The following KLRG2 variants were observed in gnomAD, a reference collection of about 807,000 sequenced individuals.
KLRG2 encodes the protein killer cell lectin-like receptor subfamily G member 2.
KLRG2 carries 39 observed loss-of-function variants against 35.4 expected under a neutral mutation model. That is an observed-to-expected ratio of 1.10 (90% CI 0.85 to 1.44). The LOEUF (loss-of-function observed/expected upper bound fraction) is 1.44, where lower values mean the gene tolerates loss of function less well. Among genes scored for constraint, KLRG2 ranks in the 40% most tolerant of loss-of-function variants. The pLI is 0.00. For missense variants in KLRG2, 632 were observed against 570.9 expected (o/e 1.11, Z -1.09); for synonymous variants, 283 against 265.8 (o/e 1.06, Z -0.63).
At chr7:139,443,262 T>G in the KLRG2 span, among the ~76,000 whole-genome samples, 1 of 151,604 alleles carries the variant, frequency 6.6e-6, no homozygotes, top group Non-Finnish European at 1.5e-5. Context: ...ATTTTTGTAT[T>G]TTTAGTAGAG....
chr7:139,459,344 C>T (rs950252435), intron 3 of KLRG2, among the ~76,000 whole-genome samples: 1 of 152,190 alleles, frequency 6.6e-6, no homozygotes, highest in Non-Finnish European at 1.5e-5. Context: ...CAGTCTTAAG[C>T]GATGGGATTC....
rs1433827714 is a variant in KLRG2, at chr7:139,483,633, ACTC to A, written c.7_9del (p.Glu3del). 1 of 1,548,358 alleles carries A rather than the reference ACTC, an allele frequency of 6.5e-7. No homozygotes were observed. The highest frequency in any genetic ancestry group is 1.2e-5 in the South Asian group (1 of 84,262). ...TGGCCTCCGGGCGCAGCCTCCCAAG[ACTC>A]CTCCATCCCGCGCGCCCCGCCACCC... On this transcript the variant is annotated inframe_deletion, in exon 1 of 5. Coordinates refer to ENST00000340940, the MANE Select transcript of KLRG2 (RefSeq NM_198508.4).
chr7:139,464,132 T>A (rs1449288473), intron 3 of KLRG2, among the ~76,000 whole-genome samples: 1 of 152,154 alleles, frequency 6.6e-6, no homozygotes, highest in Non-Finnish European at 1.5e-5. Flanking sequence ...TTTTCCCCAG[T>A]TCAAAGCCTC....
At chr7:139,432,901 A>G in the KLRG2 span, among the ~76,000 whole-genome samples, 191 of 152,238 alleles carry the variant, frequency 1.3e-3, 1 homozygote, top group Admixed American at 5.5e-3. Context: ...ATCCATGGAT[A>G]GGGAGGGCCA....
At chr7:139,462,189 T>TC (rs1796580360) in intron 3 of KLRG2, among the ~76,000 whole-genome samples, 1 of 152,176 alleles carries the variant, frequency 6.6e-6, no homozygotes, top group South Asian at 2.1e-4. Context: ...AAAACAGTCT[T>TC]CCCTTGGTGT....
At chr7:139,427,453 G>A in the KLRG2 span, among the ~76,000 whole-genome samples, 1 of 152,234 alleles carries the variant, frequency 6.6e-6, no homozygotes, top group African/African-American at 2.4e-5. Flanking sequence ...CAGCCAAGCA[G>A]AAGTCAAAGG....
the KLRG2 span, among the ~76,000 whole-genome samples, chr7:139,439,745 G>T: frequency 2.0e-5 from 3 of 152,190 alleles, no homozygotes; most frequent in Non-Finnish European, 2.9e-5. Context: ...GCAGATGTTG[G>T]TTGGGAATAG....
At chr7:139,437,722 T>C in the KLRG2 span, among the ~76,000 whole-genome samples, 2 of 152,092 alleles carry the variant, frequency 1.3e-5, no homozygotes, top group African/African-American at 4.8e-5. Context: ...CCTCCCAAAG[T>C]GCTGGGATTA....
chr7:139,429,753 A>G, the KLRG2 span, among the ~76,000 whole-genome samples: 1 of 152,264 alleles, frequency 6.6e-6, no homozygotes, highest in South Asian at 2.1e-4. Context: ...AACAAAATGA[A>G]AAGTCTCCCA....
At position 139,482,894 on chromosome 7, in the gene KLRG2, G is replaced by C. The variant is rs757000700; in HGVS notation, c.749C>G (p.Thr250Arg). ...CGCAGGTGAGCACTCACCCGTAAGC[G>C]TTACGGCCCGGGGCAGCTTCTCGTC... ...DGDEKLPRAV[T>R]LTGLPMYVKS... The change falls in exon 1 of 5, where the codon ACG becomes AGG. Residue 250 changes from threonine to arginine, a missense_variant. By Grantham distance (71) the Thr-to-Arg change is moderately conservative. Transcript: ENST00000340940. The C allele has an allele frequency of 1.3e-5, 19 of 1,479,034 alleles. No individual in the cohort carries two copies. Among genetic ancestry groups the C allele is most frequent in the South Asian group, 4.0e-5 (3 of 75,046 alleles). The allele number at this position is 1,479,034 out of a possible 1,614,324, so 91.6% of individuals were successfully genotyped here. A position where few individuals can be genotyped will look rare whatever the true frequency, so the allele number is the denominator to read the frequency against.
At chr7:139,449,715 T>C (rs201145538), downstream of KLRG2, among the ~76,000 whole-genome samples, 14,763 of 142,176 alleles carry the variant, frequency 0.1, 1,636 homozygotes, top group African/African-American at 0.33. Context: ...TTTTTTTTTT[T>C]TTGAGACGGA....
rs756216872 is a variant in KLRG2 at position 139,479,696 on chromosome 7, C to T, written c.936G>A (p.Gln312=). The T allele has an allele frequency of 1.2e-6, 2 of 1,614,008 alleles. No homozygotes were observed. The highest frequency in any genetic ancestry group is 1.1e-5 in the South Asian group (1 of 91,082). The part of the protein sequence containing the change: ...EHCYYFSAEA[Q]AWEASQAFCS... ...AGAAAGCCTGGCTGGCTTCCCAGGC[C>T]TGCGCTTCTGCAGAGAAGTAGTAAC... The change falls in exon 3 of 5, where the codon CAG becomes CAA. Residue 312 remains glutamine (Q), a synonymous_variant. Transcript: ENST00000340940.
chr7:139,439,518 G>T, the KLRG2 span, among the ~76,000 whole-genome samples: 1 of 152,210 alleles, frequency 6.6e-6, no homozygotes, highest in Non-Finnish European at 1.5e-5. Flanking sequence ...TGCATGATCT[G>T]CTTCGGCTGT....
intron 3 of KLRG2, among the ~76,000 whole-genome samples, chr7:139,468,260 G>A (rs747017765): frequency 1.6e-4 from 25 of 151,934 alleles, no homozygotes; most frequent in Non-Finnish European, 3.2e-4. Context: ...CTGGTCCCCT[G>A]GGCCCCCTTA....
Position 139,483,011 on chromosome 7 carries a change from C to G in KLRG2, c.632G>C (p.Gly211Ala). The change falls in exon 1 of 5, where the codon GGC (glycine) becomes GCC (alanine). Residue 211 changes from glycine to alanine, a missense_variant. Coordinates refer to ENST00000340940, the MANE Select transcript of KLRG2 (RefSeq NM_198508.4). Reference protein sequence around the residue: ...GRASPAEGSAGSPGSPTCCRC... With the variant: ...GRASPAEGSAASPGSPTCCRC... Reference sequence around the variant, plus strand: ...GCAGCACGTGGGGGAGCCCGGGGAGCCGGCGCTTCCTTCCGCGGGGCTGGC... The same window carrying G: ...GCAGCACGTGGGGGAGCCCGGGGAGGCGGCGCTTCCTTCCGCGGGGCTGGC... 1 of 1,372,752 alleles carries G rather than the reference C, an allele frequency of 7.3e-7. No homozygotes were observed. The highest frequency in any genetic ancestry group is 9.3e-7 in the Non-Finnish European group (1 of 1,070,990). The allele number at this position is 1,372,752 out of a possible 1,614,324, so 85.0% of individuals were successfully genotyped here. A position where few individuals can be genotyped will look rare whatever the true frequency, so the allele number is the denominator to read the frequency against.
intron 3 of KLRG2, among the ~76,000 whole-genome samples, chr7:139,458,333 G>T (rs1288836191): frequency 6.6e-6 from 1 of 151,708 alleles, no homozygotes; most frequent in Non-Finnish European, 1.5e-5. Context: ...AGCCATGATT[G>T]CACCACTGCA....
chr7:139,460,625 TGCACTCCA>T (rs1272996276), intron 3 of KLRG2, among the ~76,000 whole-genome samples: 2 of 151,256 alleles, frequency 1.3e-5, no homozygotes, highest in African/African-American at 4.9e-5. Flanking sequence ...ATCACAACAC[TGCACTCCA>T]GCCTGGGGAA....
At chr7:139,432,079 G>T in the KLRG2 span, among the ~76,000 whole-genome samples, 1 of 152,108 alleles carries the variant, frequency 6.6e-6, no homozygotes, top group African/African-American at 2.4e-5. Flanking sequence ...GTCCTGACCA[G>T]GCACGGTGCC....
chr7:139,446,689 C>G, the KLRG2 span, among the ~76,000 whole-genome samples: 1 of 152,040 alleles, frequency 6.6e-6, no homozygotes, highest in Non-Finnish European at 1.5e-5. Flanking sequence ...TCCTGGTCCC[C>G]TCCTCCTTCA....
Sources: gnomAD v4.1 joint callset for allele counts (sites outside exome capture counted in the v4.1 genomes callset) on GRCh38, gnomAD v4.1.1 for gene constraint, MANE v1.5 for transcripts, NCBI Gene and HGNC (gene_info 2026-07-23, HGNC 2026-07-21) for gene names.